Variants in C2orf76 observed in about 807,000 individuals in gnomAD.
C2orf76 encodes the protein UPF0538 protein C2orf76.
In C2orf76, 23 loss-of-function variants were observed where a neutral mutation model predicts 16.9. The ratio of observed to expected loss-of-function variants is 1.36; its 90% CI spans 0.98 to 1.93. The LOEUF is 1.93. Ranked by LOEUF, C2orf76 falls within the 30% of genes most tolerant of loss-of-function variation. The pLI is 0.00. For missense variants in C2orf76, 152 were observed against 152.6 expected, an observed-to-expected ratio of 1.00 and a Z score of 0.02; for synonymous variants, 48 against 52.3, an observed-to-expected ratio of 0.92 and a Z score of 0.35.
In C2orf76 at chr2:119,335,040, T is replaced by C. The variant is rs73948658; in HGVS notation, c.133+4787A>G. On this transcript the variant is annotated intron_variant, in intron 2 of 5. Coordinates refer to ENST00000334816, the MANE Select transcript of C2orf76 (RefSeq NM_001322331.2). Reference sequence around the variant, plus strand: ...CACTGTTGGTATGGGAATTAACAGATAAGCAAGGAGAGGAAGCTAGAATGA... The same window carrying C: ...CACTGTTGGTATGGGAATTAACAGACAAGCAAGGAGAGGAAGCTAGAATGA... Among the ~76,000 whole-genome samples, 934 of 152,272 alleles carry C rather than the reference T, an allele frequency of 6.1e-3. 10 individuals carry two copies. The highest frequency in any genetic ancestry group is 0.02 in the African/African-American group (836 of 41,552).
chr2:119,366,468 C>T (rs1167661645), intron 1 of C2orf76: 1 of 471,836 alleles, frequency 2.1e-6, no homozygotes. Context: ...TCGGCTTCGC[C>T]TTTCGGGAGA....
chr2:119,299,777 TAA>T (rs1678589263), downstream of C2orf76, among the ~76,000 whole-genome samples: 2 of 152,296 alleles, frequency 1.3e-5, no homozygotes, highest in South Asian at 4.1e-4. Flanking sequence ...AATGCACAGG[TAA>T]AGATATGCTT....
intron 1 of C2orf76, among the ~76,000 whole-genome samples, chr2:119,356,460 G>C (rs1405886173): frequency 6.7e-6 from 1 of 150,070 alleles, no homozygotes; most frequent in Non-Finnish European, 1.5e-5. Context: ...CACAGTTAAA[G>C]CACTGTGAAG....
chr2:119,287,317 T>C, the C2orf76 span, among the ~76,000 whole-genome samples: 1 of 152,204 alleles, frequency 6.6e-6, no homozygotes, highest in Non-Finnish European at 1.5e-5. Flanking sequence ...TTGTCACATA[T>C]GCAATATCCA....
chr2:119,343,856 C>T (rs939913432), intron 1 of C2orf76, among the ~76,000 whole-genome samples: 3 of 152,162 alleles, frequency 2.0e-5, no homozygotes, highest in Non-Finnish European at 2.9e-5. Flanking sequence ...ATTCCTCACA[C>T]ACAGGATCTC....
intron 2 of C2orf76, among the ~76,000 whole-genome samples, chr2:119,336,803 C>A (rs914257477): frequency 6.6e-6 from 1 of 152,146 alleles, no homozygotes; most frequent in Non-Finnish European, 1.5e-5. Flanking sequence ...CTATGTCAGA[C>A]AATCTCTTTA....
At chr2:119,291,595 A>C in the C2orf76 span, among the ~76,000 whole-genome samples, 1 of 151,908 alleles carries the variant, frequency 6.6e-6, no homozygotes. Context: ...GTTCTTGGAA[A>C]ATAAAAAACG....
At chr2:119,328,022 C>T (rs946264136) in intron 2 of C2orf76, among the ~76,000 whole-genome samples, 3 of 151,588 alleles carry the variant, frequency 2.0e-5, no homozygotes, top group Admixed American at 6.6e-5. Context: ...AATATTCTGC[C>T]CCCCTCCTTT....
intron 4 of C2orf76, among the ~76,000 whole-genome samples, chr2:119,316,499 A>G (rs959361669): frequency 6.6e-6 from 1 of 152,246 alleles, no homozygotes; most frequent in African/African-American, 2.4e-5. Flanking sequence ...TATTTTTTAA[A>G]TAACATAAAT....
chr2:119,307,438 T>TAA (rs10597338), intron 5 of C2orf76, among the ~76,000 whole-genome samples: 5 of 143,972 alleles, frequency 3.5e-5, no homozygotes, highest in East Asian at 2.1e-4. Flanking sequence ...GACTCTGTCT[T>TAA]AAAAAAAAAA....
At chr2:119,300,523 T>G (rs1678601316), downstream of C2orf76, among the ~76,000 whole-genome samples, 1 of 152,334 alleles carries the variant, frequency 6.6e-6, no homozygotes, top group Middle Eastern at 3.4e-3. Context: ...TGGCCTTATC[T>G]TCCTCTACTC....
chr2:119,356,713 T>A (rs1288955091), intron 1 of C2orf76, among the ~76,000 whole-genome samples: 1 of 151,864 alleles, frequency 6.6e-6, no homozygotes, highest in Non-Finnish European at 1.5e-5. Context: ...AGAGGTGGTT[T>A]TTTGAAAAGA....
At chr2:119,347,149 T>A (rs1205525396) in intron 1 of C2orf76, among the ~76,000 whole-genome samples, 1 of 152,148 alleles carries the variant, frequency 6.6e-6, no homozygotes, top group Non-Finnish European at 1.5e-5. Flanking sequence ...TCAACATTAG[T>A]GAATGAATCG....
downstream of C2orf76, among the ~76,000 whole-genome samples, chr2:119,297,802 T>A (rs957908264): frequency 2.0e-5 from 3 of 152,132 alleles, no homozygotes; most frequent in African/African-American, 7.2e-5. Context: ...TGGACCAGAA[T>A]TGGTTGTTTT....
At chr2:119,301,418 G>A (rs1032651373), downstream of C2orf76, among the ~76,000 whole-genome samples, 4 of 152,166 alleles carry the variant, frequency 2.6e-5, no homozygotes, top group South Asian at 2.1e-4. Context: ...TAAGTTAGAC[G>A]TGACCATAAT....
At chr2:119,304,210 A>G (rs970523154) in intron 5 of C2orf76, among the ~76,000 whole-genome samples, 2 of 152,238 alleles carry the variant, frequency 1.3e-5, no homozygotes, top group Admixed American at 6.5e-5. Context: ...CTAATGAAGA[A>G]TGAGCAAAAG....
At chr2:119,317,736 T>G (rs1679219860) in intron 3 of C2orf76, among the ~76,000 whole-genome samples, 1 of 152,138 alleles carries the variant, frequency 6.6e-6, no homozygotes, top group Non-Finnish European at 1.5e-5. Context: ...CACAGCAGTG[T>G]GTGTGTCAGA....
intron 1 of C2orf76, among the ~76,000 whole-genome samples, chr2:119,361,381 A>ATATG (rs1330511442): frequency 1.6e-4 from 25 of 152,232 alleles, no homozygotes; most frequent in African/African-American, 4.6e-4. Context: ...TTTATTATAG[A>ATATG]TATGTATGTA....
chr2:119,322,312 T>C (rs1679369442), intron 2 of C2orf76, among the ~76,000 whole-genome samples: 1 of 151,366 alleles, frequency 6.6e-6, no homozygotes, highest in Non-Finnish European at 1.5e-5. Flanking sequence ...ACTCAAGTGA[T>C]CCCCCTGCAT....
Sources: allele counts gnomAD v4.1 joint callset (sites outside exome capture counted in the v4.1 genomes callset), GRCh38; gene constraint gnomAD v4.1.1; transcripts MANE v1.5; gene names NCBI Gene and HGNC (gene_info 2026-07-23, HGNC 2026-07-21).